The following CADPS variants were observed in gnomAD, a reference collection of about 807,000 sequenced individuals.
CADPS encodes calcium-dependent secretion activator 1.
A neutral mutation model predicts 167.3 loss-of-function variants in CADPS; 57 were observed. That is an observed-to-expected ratio of 0.34 (90% CI 0.28 to 0.42). The LOEUF (loss-of-function observed/expected upper bound fraction) is 0.42. Ranked by LOEUF, CADPS falls within the 20% of genes least tolerant of loss-of-function variation. The pLI is 1.00. For synonymous variants in CADPS, 676 were observed against 635.3 expected (o/e 1.06, Z -0.96); for missense variants, 1,414 against 1,738.1 (o/e 0.81, Z 3.32).
chr3:62,632,928 C>T (rs1446188247), intron 6 of CADPS, among the ~76,000 whole-genome samples: 3 of 152,016 alleles, frequency 2.0e-5, no homozygotes, highest in Admixed American at 2.0e-4. Context: ...AACTCACTGC[C>T]CCAGTTCACA....
chr3:62,625,528 T>C (rs1462125342), intron 6 of CADPS: 3 of 150,750 alleles, frequency 2.0e-5, no homozygotes, highest in Non-Finnish European at 2.9e-5. Flanking sequence ...CCCTGCTAAA[T>C]GTACTTGTTT....
rs539731981 is a variant in CADPS at position 62,516,091 on chromosome 3, T to C, written c.2549A>G (p.Tyr850Cys). 16 of 1,613,310 alleles carry C rather than the reference T, an allele frequency of 9.9e-6. No homozygotes were observed. The highest frequency in any genetic ancestry group is 1.4e-5 in the Non-Finnish European group (16 of 1,179,432). ...KCLEQAALVNYSRLSEYAKIE... is the reference protein window; with the variant it reads ...KCLEQAALVNCSRLSEYAKIE... The stretch of plus-strand genomic sequence containing the variant: ...TTTGGCATACTCTGAGAGCCGAGAA[T>C]AGTTGACTAACGCAGCCTGTTCCAG... Residue 850 changes from tyrosine (Y) to cysteine (C), a missense_variant, in exon 16 of 30, where the codon TAT becomes TGT. Physicochemically the swap from Tyr to Cys is radical, Grantham distance 194. Around this residue, in one of 6 missense-constraint regions of CADPS, gnomAD observed 529 missense variants for 629.6 expected, o/e 0.84. Transcript: ENST00000383710.
At chr3:62,715,711 G>T (rs923231991) in intron 3 of CADPS, among the ~76,000 whole-genome samples, 3 of 140,070 alleles carry the variant, frequency 2.1e-5, no homozygotes, top group Non-Finnish European at 3.1e-5. Flanking sequence ...ATAATAGATT[G>T]TAATATGTGG....
At chr3:62,765,284 T>C (rs1466902377) in intron 2 of CADPS, among the ~76,000 whole-genome samples, 1 of 152,204 alleles carries the variant, frequency 6.6e-6, no homozygotes, top group Non-Finnish European at 1.5e-5. Context: ...GGTCTGGTGG[T>C]GAAAATTTAC....
At chr3:62,844,126 G>A (rs916081155) in intron 1 of CADPS, among the ~76,000 whole-genome samples, 2 of 152,154 alleles carry the variant, frequency 1.3e-5, no homozygotes, top group Admixed American at 6.5e-5. Flanking sequence ...TACCACCAAT[G>A]TCTAGGAAAG....
At chr3:62,583,341 T>C (rs1053280126) in intron 8 of CADPS, among the ~76,000 whole-genome samples, 3 of 152,166 alleles carry the variant, frequency 2.0e-5, no homozygotes, top group African/African-American at 7.2e-5. Context: ...GAAAGTAGGA[T>C]GTTCATCACA....
At chr3:62,541,891 A>G (rs1256473946) in intron 11 of CADPS, among the ~76,000 whole-genome samples, 1 of 152,130 alleles carries the variant, frequency 6.6e-6, no homozygotes, top group African/African-American at 2.4e-5. Flanking sequence ...TAACATATAT[A>G]TTTTTAGATA....
intron 12 of CADPS, among the ~76,000 whole-genome samples, chr3:62,534,160 T>A (rs1219151306): frequency 6.6e-6 from 1 of 152,224 alleles, no homozygotes; most frequent in Non-Finnish European, 1.5e-5. Flanking sequence ...TAAACCAATT[T>A]AGGTGATACT....
chr3:62,478,463 G>C lies in CADPS; in HGVS notation c.3174-47C>G. The C allele has an allele frequency of 6.4e-7, 1 of 1,567,060 alleles. No homozygotes were observed. The highest frequency in any genetic ancestry group is 2.3e-5 in the East Asian group (1 of 43,568). ...AATGAGAGTCACCCACTGGCCTCAG[G>C]CTCTACAAAAACTAACACAGAGACA... On this transcript the variant is annotated intron_variant, in intron 22 of 29. Coordinates refer to ENST00000383710, the MANE Select transcript of CADPS (RefSeq NM_003716.4). The surrounding 1 kb of genome is among the most constrained non-coding windows in gnomAD (Gnocchi z 5.7).
chr3:62,782,944 G>A (rs1396019800), intron 1 of CADPS, among the ~76,000 whole-genome samples: 1 of 152,024 alleles, frequency 6.6e-6, no homozygotes. Flanking sequence ...ATTTTTAGTA[G>A]AGATGGGGTT....
intron 19 of CADPS, 64 bp downstream of exon 19, chr3:62,493,581 A>G (rs200280554): frequency 1.6e-6 from 2 of 1,272,740 alleles, no homozygotes; most frequent in Non-Finnish European, 2.2e-6. Flanking sequence ...GGATATTCTA[A>G]CAGCCACTAG....
At chr3:62,868,822 A>G (rs779119316) in intron 1 of CADPS, among the ~76,000 whole-genome samples, 2 of 152,144 alleles carry the variant, frequency 1.3e-5, no homozygotes, top group African/African-American at 4.8e-5. Flanking sequence ...AAGTAATCTC[A>G]TTGTCCAGAA....
At chr3:62,441,872 T>C (rs1231309978) in intron 27 of CADPS, among the ~76,000 whole-genome samples, 1 of 152,164 alleles carries the variant, frequency 6.6e-6, no homozygotes, top group Non-Finnish European at 1.5e-5. Context: ...GTTTCCAATA[T>C]GTAGCCAAGG....
chr3:62,425,875 G>T (rs528981682), intron 28 of CADPS, among the ~76,000 whole-genome samples: 1 of 152,108 alleles, frequency 6.6e-6, no homozygotes, highest in African/African-American at 2.4e-5. Flanking sequence ...TGCCTCTTTC[G>T]CCTCCCCAAA....
intron 3 of CADPS, among the ~76,000 whole-genome samples, chr3:62,738,586 C>T (rs774576561): frequency 6.6e-6 from 1 of 151,898 alleles, no homozygotes; most frequent in Non-Finnish European, 1.5e-5. Flanking sequence ...ATTAACTGAG[C>T]GTGGTGGCAG....
At chr3:62,469,981 C>T (rs551721868) in intron 24 of CADPS, among the ~76,000 whole-genome samples, 271 of 152,298 alleles carry the variant, frequency 1.8e-3, no homozygotes, top group Non-Finnish European at 3.0e-3. Flanking sequence ...CTGTGCTACA[C>T]GTTTTGCCTT....
chr3:62,759,700 C>G (rs1439727587), intron 2 of CADPS, among the ~76,000 whole-genome samples: 1 of 151,448 alleles, frequency 6.6e-6, no homozygotes, highest in Non-Finnish European at 1.5e-5. Context: ...TTGAAAGTAC[C>G]TGGAAAGATA....
chr3:62,473,657 A>G (rs1394504442), intron 24 of CADPS: 2 of 151,950 alleles, frequency 1.3e-5, no homozygotes, highest in African/African-American at 4.8e-5. Context: ...TGATCAATTC[A>G]GTCTAAGGAA....
intron 1 of CADPS, among the ~76,000 whole-genome samples, chr3:62,863,383 A>G (rs1225364665): frequency 6.6e-6 from 1 of 152,176 alleles, no homozygotes; most frequent in African/African-American, 2.4e-5. Context: ...AGATTAAATG[A>G]GATAAGGCTT....
Sources: gnomAD v4.1 joint callset for allele counts (sites outside exome capture counted in the v4.1 genomes callset) on GRCh38, gnomAD v4.1.1 for gene constraint, gnomAD v4.1.1 regional missense constraint, Gnocchi (gnomAD v3.1) non-coding constraint, MANE v1.5 for transcripts, NCBI Gene and HGNC (gene_info 2026-07-23, HGNC 2026-07-21) for gene names.